The following KCNH1 variants were observed in gnomAD, a reference collection of about 807,000 sequenced individuals.
The protein encoded by KCNH1 is voltage-gated delayed rectifier potassium channel KCNH1.
A neutral mutation model predicts 69.2 loss-of-function variants in KCNH1; 27 were observed. That is an observed-to-expected ratio of 0.39 (90% CI 0.29 to 0.54). The LOEUF (loss-of-function observed/expected upper bound fraction) is 0.54. Among genes scored for constraint, KCNH1 ranks in the 20% least tolerant of loss-of-function variants. KCNH1 has a pLI of 0.68. For synonymous variants in KCNH1, 456 were observed against 487.7 expected (o/e 0.93, Z 0.86); for missense variants, 798 against 1,261.6 (o/e 0.63, Z 5.57).
chr1:210,922,402 A>AAC (rs1687481161), intron 6 of KCNH1, among the ~76,000 whole-genome samples: 1 of 37,166 alleles, frequency 2.7e-5, no homozygotes, highest in East Asian at 3.2e-4. Context: ...AAAAAAAAAA[A>AAC]AAAAAAAAAA....
intron 10 of KCNH1, among the ~76,000 whole-genome samples, chr1:210,743,441 G>A (rs1683082100): frequency 6.6e-6 from 1 of 152,146 alleles, no homozygotes; most frequent in African/African-American, 2.4e-5. Context: ...CTTAGCCTTG[G>A]CAGCCAGAAA....
At chr1:210,850,742 C>T (rs1685682865) in intron 7 of KCNH1, among the ~76,000 whole-genome samples, 1 of 152,176 alleles carries the variant, frequency 6.6e-6, no homozygotes, top group African/African-American at 2.4e-5. Context: ...CAATGCCACT[C>T]TAACATCATG....
chr1:210,780,203 G>A (rs558399242), intron 9 of KCNH1, among the ~76,000 whole-genome samples: 13 of 152,116 alleles, frequency 8.5e-5, no homozygotes, highest in African/African-American at 1.9e-4. Flanking sequence ...AGTCTGGAAC[G>A]CTCCAGAGAA....
At chr1:210,928,494 A>C (rs1301988777) in intron 6 of KCNH1, among the ~76,000 whole-genome samples, 5 of 152,240 alleles carry the variant, frequency 3.3e-5, no homozygotes, top group Non-Finnish European at 5.9e-5. Context: ...ATCCAGAAGG[A>C]AATTTAAAAA....
intron 3 of KCNH1, among the ~76,000 whole-genome samples, chr1:211,098,423 G>C (rs1385984858): frequency 2.6e-5 from 4 of 151,638 alleles, no homozygotes; most frequent in African/African-American, 7.3e-5. Context: ...CAGGTTTTCC[G>C]AATGGCCAAT....
In KCNH1 at chr1:210,706,156, C is replaced by G. The variant is rs550838612; in HGVS notation, c.2113-22018G>C. Among the ~76,000 whole-genome samples the G allele has an allele frequency of 2.8e-4, 43 of 152,206 alleles. 1 individual carries two copies. The highest frequency in any genetic ancestry group is 1.0e-3 in the African/African-American group (43 of 41,544). On this transcript the variant is annotated intron_variant, in intron 10 of 10. Transcript: ENST00000271751. ...CTAGTTTAATTCATTCTGAAATTTC[C>G]CCTCTTCCACAAAGCCTTCTGTAGT...
At chr1:210,796,021 G>A (rs939630103) in intron 9 of KCNH1, among the ~76,000 whole-genome samples, 3 of 150,486 alleles carry the variant, frequency 2.0e-5, no homozygotes, top group Non-Finnish European at 4.4e-5. Context: ...TGGGCATGGT[G>A]GTGGGTGCAT....
intron 1 of KCNH1, among the ~76,000 whole-genome samples, chr1:211,114,199 G>T (rs553923950): frequency 4.3e-4 from 65 of 152,140 alleles, no homozygotes; most frequent in South Asian, 8.3e-4. Context: ...GAAAAATAGG[G>T]CTCTCCATCC....
intron 7 of KCNH1, among the ~76,000 whole-genome samples, chr1:210,882,541 C>T (rs1686519111): frequency 2.0e-5 from 3 of 152,152 alleles, no homozygotes; most frequent in Admixed American, 6.6e-5. Flanking sequence ...TTGCAGATGC[C>T]AGAACAGGCT....
intron 7 of KCNH1, among the ~76,000 whole-genome samples, chr1:210,828,073 C>T (rs1302016979): frequency 6.6e-6 from 1 of 152,092 alleles, no homozygotes; most frequent in African/African-American, 2.4e-5. Context: ...GAACTCCTGA[C>T]CTCAGGTGAT....
intron 10 of KCNH1, among the ~76,000 whole-genome samples, chr1:210,719,884 A>G (rs1682411203): frequency 6.6e-6 from 1 of 152,172 alleles, no homozygotes; most frequent in Non-Finnish European, 1.5e-5. Flanking sequence ...CAAGTGAGAC[A>G]AAGAGGTTCA....
At chr1:211,000,931 C>A (rs377242930) in intron 6 of KCNH1, among the ~76,000 whole-genome samples, 2,426 of 151,012 alleles carry the variant, frequency 0.016, 61 homozygotes, top group Admixed American at 0.051. Flanking sequence ...CCTATTTAAT[C>A]AATGGTGCTG....
At chr1:210,942,095 T>A (rs1290651817) in intron 6 of KCNH1, among the ~76,000 whole-genome samples, 1 of 152,162 alleles carries the variant, frequency 6.6e-6, no homozygotes, top group African/African-American at 2.4e-5. Context: ...TTAAAAGGCT[T>A]CCAGTAAATA....
intron 7 of KCNH1, among the ~76,000 whole-genome samples, chr1:210,830,097 G>A (rs1264416190): frequency 6.6e-6 from 1 of 152,020 alleles, no homozygotes; most frequent in African/African-American, 2.4e-5. Context: ...ATAAAGAAAT[G>A]ATTCCCCTAC....
intron 7 of KCNH1, among the ~76,000 whole-genome samples, chr1:210,885,283 C>T (rs1686577752): frequency 1.3e-5 from 2 of 152,198 alleles, no homozygotes. Context: ...GGTGGGGCAT[C>T]ACCTCACCCA....
In KCNH1 at chr1:210,919,395, T is replaced by C; in HGVS notation, c.1462+245A>G. The C allele has an allele frequency of 2.0e-6, 1 of 498,566 alleles. No homozygotes were observed. The highest frequency in any genetic ancestry group is 3.6e-6 in the Non-Finnish European group (1 of 276,988). The allele number at this position is 498,566 out of a possible 1,614,324, so 30.9% of individuals were successfully genotyped here. A position where few individuals can be genotyped will look rare whatever the true frequency, so the allele number is the denominator to read the frequency against. On this transcript the variant is annotated intron_variant, in intron 7 of 10. Transcript: ENST00000271751. This position sits in a 1 kb window ranked among gnomAD's most constrained non-coding sequence, Gnocchi z 4.2. ...AGAAGACACCAACAGTATTAGTAGT[T>C]ATCTCTGAAAAGCAGAATTATGGAT...
At chr1:210,749,911 TTTTG>T (rs1341896312) in intron 10 of KCNH1, among the ~76,000 whole-genome samples, 1 of 152,032 alleles carries the variant, frequency 6.6e-6, no homozygotes, top group Non-Finnish European at 1.5e-5. Context: ...CCTGGCTAAT[TTTTG>T]TATTTTTAGT....
chr1:211,085,713 T>C (rs540987270), intron 4 of KCNH1, among the ~76,000 whole-genome samples: 25 of 152,170 alleles, frequency 1.6e-4, no homozygotes, highest in African/African-American at 6.0e-4. Context: ...ATCAATGAGA[T>C]TAAAAACATA....
chr1:210,765,683 T>C (rs1683615016), intron 10 of KCNH1, among the ~76,000 whole-genome samples: 1 of 152,120 alleles, frequency 6.6e-6, no homozygotes, highest in South Asian at 2.1e-4. Flanking sequence ...GAAAAGGGGC[T>C]ATGAAATATA....
Sources: allele counts gnomAD v4.1 joint callset (sites outside exome capture counted in the v4.1 genomes callset), GRCh38; gene constraint gnomAD v4.1.1; non-coding constraint Gnocchi (gnomAD v3.1); transcripts MANE v1.5; gene names NCBI Gene and HGNC (gene_info 2026-07-23, HGNC 2026-07-21).